The following PFKFB3 variants were observed in gnomAD, a reference collection of about 807,000 sequenced individuals.
PFKFB3 encodes the protein 6-phosphofructo-2-kinase/fructose-2,6-bisphosphatase 3.
PFKFB3 carries 33 observed loss-of-function variants against 68.0 expected under a neutral mutation model. The observed-to-expected ratio is 0.49, with a 90% CI of 0.37 to 0.65. The LOEUF is 0.65. PFKFB3 is among the 30% of genes least tolerant of loss of function. The pLI is 0.00. For synonymous variants in PFKFB3, 315 were observed against 288.2 expected (o/e 1.09, Z -0.94); for missense variants, 586 against 712.2 (o/e 0.82, Z 2.02).
Position 6,233,047 on chromosome 10 carries a change from G to C in PFKFB3, c.*105G>C, listed in dbSNP as rs1845841791. ...CCTGAGGACTTCTTCCGGAGAGGGT[G>C]GGGTGGAGCAGCGGGGGAGCCTTGG... On this transcript the variant is annotated 3_prime_UTR_variant, in exon 15 of 15. Coordinates refer to ENST00000379775, the MANE Select transcript of PFKFB3 (RefSeq NM_004566.4). The C allele has an allele frequency of 4.5e-6, 4 of 898,372 alleles. No individual in the cohort carries two copies. The South Asian group carries it at 5.4e-5, about 12-fold the overall frequency. The allele number at this position is 898,372 out of a possible 1,614,324, so 55.7% of individuals were successfully genotyped here.
intron 13 of PFKFB3, among the ~76,000 whole-genome samples, chr10:6,224,981 G>T (rs903336033): frequency 6.6e-5 from 10 of 151,528 alleles, no homozygotes; most frequent in South Asian, 2.1e-4. Context: ...GCAGAGGCCT[G>T]GGGGGTGGCG....
At chr10:6,156,129 A>ATGTGTGTGTGTGTG (rs112267780) in intron 1 of PFKFB3, among the ~76,000 whole-genome samples, 4,635 of 96,802 alleles carry the variant, frequency 0.048, 121 homozygotes, top group East Asian at 0.11. Context: ...GTACATATAT[A>ATGTGTGTGTGTGTG]TGTGTGTGTG....
At chr10:6,266,030 C>A in the PFKFB3 span, among the ~76,000 whole-genome samples, 5 of 152,088 alleles carry the variant, frequency 3.3e-5, no homozygotes, top group African/African-American at 1.2e-4. Flanking sequence ...CCTGCCTTAG[C>A]CTCCTGAGTA....
At chr10:6,186,964 A>G (rs1842881689) in intron 1 of PFKFB3, among the ~76,000 whole-genome samples, 1 of 152,100 alleles carries the variant, frequency 6.6e-6, no homozygotes, top group African/African-American at 2.4e-5. Flanking sequence ...CTCAGAGGCT[A>G]TGTTGCCTCC....
chr10:6,302,456 A>T, the PFKFB3 span, among the ~76,000 whole-genome samples: 1 of 130,520 alleles, frequency 7.7e-6, no homozygotes, highest in Non-Finnish European at 1.5e-5. Flanking sequence ...ACCTTGGCTC[A>T]CTGCAACCTC....
the PFKFB3 span, among the ~76,000 whole-genome samples, chr10:6,318,593 C>T: frequency 1.3e-5 from 2 of 152,170 alleles, no homozygotes; most frequent in African/African-American, 4.8e-5. Flanking sequence ...CAGAGATGCT[C>T]ATTTTGCGCT....
rs1353356391 is a variant in PFKFB3, at chr10:6,154,448, A to G, written c.16+9435A>G. ...TTTTTAGTAGAGACGGAATTTCACC[A>G]CGTTGGTCAGGCTGGTCTTGAACTC... On this transcript the variant is annotated intron_variant, in intron 1 of 14. Coordinates refer to the PFKFB3 transcript ENST00000379789. The surrounding 1 kb of genome is among the most constrained non-coding windows in gnomAD (Gnocchi z 4.6). Among the ~76,000 whole-genome samples the G allele has an allele frequency of 6.6e-6, 1 of 152,088 alleles. No homozygotes were observed. The highest frequency in any genetic ancestry group is 1.5e-5 in the Non-Finnish European group (1 of 68,026).
At chr10:6,163,208 A>T (rs377741826) in intron 1 of PFKFB3, among the ~76,000 whole-genome samples, 5 of 152,148 alleles carry the variant, frequency 3.3e-5, no homozygotes, top group Admixed American at 2.0e-4. Context: ...CAGACATTCA[A>T]TGCAGAGGTG....
chr10:6,308,342 A>G, the PFKFB3 span, among the ~76,000 whole-genome samples: 2 of 152,082 alleles, frequency 1.3e-5, no homozygotes, highest in Admixed American at 6.5e-5. Context: ...GCAAAACCCC[A>G]TCTCTCCCAA....
the PFKFB3 span, among the ~76,000 whole-genome samples, chr10:6,279,546 CT>C: frequency 0.22 from 33,095 of 152,022 alleles, 3,804 homozygotes; most frequent in South Asian, 0.26. Flanking sequence ...GAGAAAGGCT[CT>C]TTTCCTGCTT....
chr10:6,167,483 TATTAA>T (rs1842178997), intron 1 of PFKFB3, among the ~76,000 whole-genome samples: 2 of 152,236 alleles, frequency 1.3e-5, no homozygotes, highest in Admixed American at 6.5e-5. Flanking sequence ...CTGCCACATT[TATTAA>T]ATTGTCACAT....
chr10:6,271,538 A>T, the PFKFB3 span, among the ~76,000 whole-genome samples: 1 of 152,168 alleles, frequency 6.6e-6, no homozygotes, highest in Non-Finnish European at 1.5e-5. Flanking sequence ...TAGCACAGGG[A>T]GCTGATGAAG....
intron 1 of PFKFB3, among the ~76,000 whole-genome samples, chr10:6,178,570 C>G (rs4992669): frequency 0.85 from 128,995 of 152,088 alleles, 55,251 homozygotes; most frequent in South Asian, 0.92. Flanking sequence ...GGAGAGCTTC[C>G]GGGATGGACA....
chr10:6,252,472 G>A (rs549282030), intron 14 of PFKFB3, among the ~76,000 whole-genome samples: 1 of 152,276 alleles, frequency 6.6e-6, no homozygotes, highest in South Asian at 2.1e-4. Context: ...AGGCATACAT[G>A]CAGACAAAGG....
At chr10:6,259,944 G>A in the PFKFB3 span, among the ~76,000 whole-genome samples, 1 of 152,134 alleles carries the variant, frequency 6.6e-6, no homozygotes, top group Non-Finnish European at 1.5e-5. Context: ...AAAGCCTTCT[G>A]TACACCCTGG....
chr10:6,268,222 T>G, the PFKFB3 span, among the ~76,000 whole-genome samples: 1 of 152,196 alleles, frequency 6.6e-6, no homozygotes, highest in Admixed American at 6.5e-5. Context: ...CCAGTAATGC[T>G]GAAAGCATGT....
chr10:6,301,667 G>T, the PFKFB3 span, among the ~76,000 whole-genome samples: 1 of 152,194 alleles, frequency 6.6e-6, no homozygotes, highest in African/African-American at 2.4e-5. Context: ...AGGGCAGTTC[G>T]TCTGCCCTCA....
chr10:6,262,452 CAAAAAA>C, the PFKFB3 span, among the ~76,000 whole-genome samples: 3 of 27,616 alleles, frequency 1.1e-4, no homozygotes, highest in African/African-American at 4.1e-4. Context: ...GACTCCATCT[CAAAAAA>C]AAAAAAAAAA....
the PFKFB3 span, among the ~76,000 whole-genome samples, chr10:6,270,064 G>A: frequency 1.3e-5 from 2 of 152,064 alleles, no homozygotes; most frequent in African/African-American, 2.4e-5. Context: ...CCCGGGAGGC[G>A]GAGGTTGCAG....
Sources: gnomAD v4.1 joint callset for allele counts (sites outside exome capture counted in the v4.1 genomes callset) on GRCh38, gnomAD v4.1.1 for gene constraint, Gnocchi (gnomAD v3.1) non-coding constraint, MANE v1.5 for transcripts, NCBI Gene and HGNC (gene_info 2026-07-23, HGNC 2026-07-21) for gene names.